Variants in WARS1 observed in about 807,000 individuals in gnomAD.
WARS1 encodes the protein tryptophan--tRNA ligase, cytoplasmic.
WARS1 carries 17 observed loss-of-function variants against 47.8 expected under a neutral mutation model. That is an observed-to-expected ratio of 0.36 (90% CI 0.24 to 0.53). WARS1 has a LOEUF of 0.53. Among genes scored for constraint, WARS1 ranks in the 20% least tolerant of loss-of-function variants. WARS1 has a pLI of 0.91. For missense variants in WARS1, 434 were observed against 608.0 expected (o/e 0.71, Z 3.01); for synonymous variants, 208 against 228.1 (o/e 0.91, Z 0.79).
intron 8 of WARS1, among the ~76,000 whole-genome samples, 192 bp downstream of exon 8, chr14:100,343,083 G>A (rs1298975487): frequency 2.0e-5 from 3 of 152,202 alleles, no homozygotes; most frequent in Non-Finnish European, 2.9e-5. Flanking sequence ...CGCCATGTTG[G>A]CCAGGCTGGT....
chr14:100,351,422 C>T (rs3783344), intron 6 of WARS1, among the ~76,000 whole-genome samples: 4,902 of 147,480 alleles, frequency 0.033, 110 homozygotes, highest in East Asian at 0.079. Context: ...GAGGCTGAGG[C>T]GGGGAGGATC....
At chr14:100,366,570 T>C (rs1054615786) in intron 2 of WARS1, 1 of 642,328 alleles carries the variant, frequency 1.6e-6, no homozygotes, top group Non-Finnish European at 2.8e-6. Context: ...AAAACTACCA[T>C]TAAGATCTCA....
In WARS1 at chr14:100,373,482, G is replaced by A. The variant is rs974251400; in HGVS notation, c.-74+1801C>T. Among the ~76,000 whole-genome samples, 7 of 152,138 alleles carry A rather than the reference G, an allele frequency of 4.6e-5. No individual in the cohort carries two copies. The highest frequency in any genetic ancestry group is 7.4e-5 in the Non-Finnish European group (5 of 68,026). On this transcript the variant is annotated intron_variant, in intron 1 of 10. Coordinates refer to ENST00000392882, the MANE Select transcript of WARS1 (RefSeq NM_004184.4). This position sits in a 1 kb window ranked among gnomAD's most constrained non-coding sequence, Gnocchi z 4.4. ...GTCCTTCCAAAAAATGTGGTGCCCC[G>A]CGTGAAGGCAACAAGGCAGCAGCAG...
In WARS1 at chr14:100,369,119, C is replaced by T. The variant is rs146689917; in HGVS notation, c.67G>A (p.Val23Ile). 3.2e-6 allele frequency: 5 copies of T among 1,570,662 alleles called. No individual in the cohort carries two copies. Among genetic ancestry groups the T allele is most frequent in the African/African-American group, 2.7e-5 (2 of 73,696 alleles). ...FNSIATQGEL[V>I]RSLKAGNASK... ...GCATTTCCCGCTTTGAGGGACCTTA[C>T]GAGCTCCCCTTGTGTGGCGATGCTG... is the stretch of plus-strand genomic sequence containing the variant. The change falls in exon 2 of 11, where the codon GTA (valine) becomes ATA (isoleucine). Residue 23 changes from valine to isoleucine, a missense_variant. Physicochemically the swap from Val to Ile is conservative, Grantham distance 29 (BLOSUM62 3). Around this residue, in one of 2 missense-constraint regions of WARS1, gnomAD observed 87 missense variants for 84.2 expected, o/e 1.03. Transcript: ENST00000392882.
At chr14:100,339,103 T>TCACACACACACACA (rs528163285) in intron 9 of WARS1, among the ~76,000 whole-genome samples, 9 of 145,298 alleles carry the variant, frequency 6.2e-5, no homozygotes, top group African/African-American at 2.3e-4. Flanking sequence ...TGAAACTCCA[T>TCACACACACACACA]CACACACACA....
chr14:100,375,988 G>C (rs187185034), upstream of WARS1: 2 of 153,024 alleles, frequency 1.3e-5, no homozygotes, highest in Non-Finnish European at 2.9e-5. Flanking sequence ...AAATAAAAAT[G>C]GGGGCCTCTC....
chr14:100,337,390 A>C (rs1893819172), intron 9 of WARS1, among the ~76,000 whole-genome samples, 188 bp from the exon 10 acceptor site: 1 of 152,086 alleles, frequency 6.6e-6, no homozygotes, highest in African/African-American at 2.4e-5. Context: ...TCTTCCTGTG[A>C]GGCTTGGGTG....
At chr14:100,360,716 A>G in intron 3 of WARS1, 54 bp from the exon 4 acceptor site, 3 of 1,328,414 alleles carry the variant, frequency 2.3e-6, no homozygotes, top group African/African-American at 2.9e-5. Flanking sequence ...TAGTGATCAG[A>G]TATTACTGAA....
At chr14:100,374,950 A>G (rs1017642538) in intron 1 of WARS1, 1 of 152,240 alleles carries the variant, frequency 6.6e-6, no homozygotes, top group Non-Finnish European at 1.5e-5. Context: ...ATTAATTTCT[A>G]TGAAGCCAGG....
At chr14:100,375,475 C>T (rs1566874850), upstream of WARS1, 1 of 152,224 alleles carries the variant, frequency 6.6e-6, no homozygotes, top group Non-Finnish European at 1.5e-5. Context: ...TTATAAATCA[C>T]CCAGATTCTC....
chr14:100,354,707 G>T, intron 4 of WARS1, 141 bp from the exon 5 acceptor site: 1 of 1,005,678 alleles, frequency 9.9e-7, no homozygotes, highest in Non-Finnish European at 1.4e-6. Flanking sequence ...TGGTGCTTAT[G>T]ATATAAATAT....
At chr14:100,366,780 G>A in intron 2 of WARS1, 1 of 1,144,992 alleles carries the variant, frequency 8.7e-7, no homozygotes, top group Non-Finnish European at 1.3e-6. Context: ...GAAGCTTGAA[G>A]ATACATGGGT....
rs45512195 is a variant in WARS1 at position 100,353,961 on chromosome 14, G to A, written c.543-92C>T. 3.2e-3 allele frequency: 3,846 copies of A among 1,220,156 alleles called. 7 individuals are homozygous for A. The highest frequency in any genetic ancestry group is 3.6e-3 in the Non-Finnish European group (3,178 of 879,948). 75.6% of individuals were successfully genotyped at this position (1,220,156 alleles called of 1,614,324 possible). On this transcript the variant is annotated intron_variant, in intron 5 of 10. Transcript: ENST00000392882. ...TGAAAACACAGCTCCTACTTACAAC[G>A]TATGTTAAAACTTCCTTGCCTACAA...
At chr14:100,370,755 C>A (rs1268057112) in intron 1 of WARS1, among the ~76,000 whole-genome samples, 1 of 146,760 alleles carries the variant, frequency 6.8e-6, no homozygotes, top group Non-Finnish European at 1.5e-5. Context: ...GCACTTTGGG[C>A]AGTATAGTGA....
intron 9 of WARS1, among the ~76,000 whole-genome samples, chr14:100,339,241 G>A (rs1216303049): frequency 6.6e-6 from 1 of 152,150 alleles, no homozygotes; most frequent in African/African-American, 2.4e-5. Flanking sequence ...CATTTTGGCA[G>A]GGCATTGCTG....
At chr14:100,359,586 A>G (rs1432865762) in intron 4 of WARS1, among the ~76,000 whole-genome samples, 2 of 152,154 alleles carry the variant, frequency 1.3e-5, no homozygotes, top group Non-Finnish European at 2.9e-5. Flanking sequence ...GGAGTTATTG[A>G]TATCTTACTG....
chr14:100,358,444 T>C (rs564935226), intron 4 of WARS1, among the ~76,000 whole-genome samples: 15 of 152,162 alleles, frequency 9.9e-5, no homozygotes, highest in African/African-American at 3.6e-4. Flanking sequence ...GAATAGTCTT[T>C]TCAAAAAACA....
In WARS1 at chr14:100,361,695, G is replaced by T; in HGVS notation, c.313+13C>A. On this transcript the variant is annotated intron_variant, in intron 3 of 10. Coordinates refer to ENST00000392882, the MANE Select transcript of WARS1 (RefSeq NM_004184.4). The stretch of plus-strand genomic sequence containing the variant: ...AGTTGCAGCTTTTTCTGGGAAGAAA[G>T]CAGAGGACGTACCAATGAGCTTATC... 1 of 1,611,144 alleles carries T rather than the reference G, an allele frequency of 6.2e-7. No individual in the cohort carries two copies. Among genetic ancestry groups the T allele is most frequent in the East Asian group, 2.2e-5 (1 of 44,812 alleles).
chr14:100,374,279 A>G (rs201631014), intron 1 of WARS1: 1 of 152,264 alleles, frequency 6.6e-6, no homozygotes, highest in Non-Finnish European at 1.5e-5. Flanking sequence ...AAACAAAGAA[A>G]TGCAGTTATA....
Sources: gnomAD v4.1 joint callset for allele counts (sites outside exome capture counted in the v4.1 genomes callset) on GRCh38, gnomAD v4.1.1 for gene constraint, gnomAD v4.1.1 regional missense constraint, Gnocchi (gnomAD v3.1) non-coding constraint, MANE v1.5 for transcripts, NCBI Gene and HGNC (gene_info 2026-07-23, HGNC 2026-07-21) for gene names.